The following ASB1 variants were observed in gnomAD, a reference collection of about 807,000 sequenced individuals.
ASB1 encodes the protein ankyrin repeat and SOCS box protein 1.
A neutral mutation model predicts 27.7 loss-of-function variants in ASB1; 18 were observed. The ratio of observed to expected loss-of-function variants is 0.65; its 90% CI spans 0.45 to 0.96. The LOEUF (loss-of-function observed/expected upper bound fraction) is 0.96, where lower values mean the gene tolerates loss of function less well. Ranked by LOEUF, ASB1 falls within the 50% of genes least tolerant of loss-of-function variation. The pLI, the probability that ASB1 is intolerant of heterozygous loss-of-function variation, is 0.00. For synonymous variants in ASB1, 189 were observed against 187.6 expected, an observed-to-expected ratio of 1.01 and a Z score of -0.06; for missense variants, 397 against 451.7, an observed-to-expected ratio of 0.88 and a Z score of 1.10.
At chr2:238,427,192 AGGTCC>A (rs1366737467) in intron 1 of ASB1, 73 bp downstream of exon 1, 1 of 1,114,180 alleles carries the variant, frequency 9.0e-7, no homozygotes, top group Non-Finnish European at 1.1e-6. Flanking sequence ...GTCCCTGCCG[AGGTCC>A]TGCGTCCTCG....
intron 1 of ASB1, chr2:238,433,195 C>A (rs1701903169): frequency 5.5e-6 from 1 of 180,904 alleles, no homozygotes; most frequent in African/African-American, 2.3e-5. Flanking sequence ...GCTTATAGTT[C>A]CTGGGCCCCA....
intron 2 of ASB1, chr2:238,435,381 G>T (rs755546021): frequency 2.0e-5 from 6 of 304,880 alleles, no homozygotes; most frequent in African/African-American, 1.1e-4. Flanking sequence ...ATTTGGCACT[G>T]CCTCCCAGGC....
Position 238,446,692 on chromosome 2 carries a change from A to C in ASB1, c.*181A>C. On this transcript the variant is annotated 3_prime_UTR_variant, in exon 5 of 5. Coordinates refer to ENST00000264607, the MANE Select transcript of ASB1 (RefSeq NM_001040445.3). ...GCTGAACAGTCCTTGGGTCATTGTC[A>C]GCTGAGAGGCTTATACTAAAGTTAT... 1 of 672,148 alleles carries C rather than the reference A, an allele frequency of 1.5e-6. No individual in the cohort carries two copies. Among genetic ancestry groups the C allele is most frequent in the Non-Finnish European group, 2.5e-6 (1 of 397,992 alleles). 41.6% of individuals were successfully genotyped at this position (672,148 alleles called of 1,614,324 possible).
intron 3 of ASB1, among the ~76,000 whole-genome samples, chr2:238,440,971 G>T (rs182607077): frequency 1.8e-4 from 28 of 152,304 alleles, no homozygotes; most frequent in African/African-American, 6.7e-4. Context: ...CAAGCTGTGC[G>T]TCCTGGCCTG....
rs1263181926 is a variant in ASB1 at position 238,452,205 on chromosome 2, C to T, written c.*5694C>T. The T allele has an allele frequency of 6.6e-6, 1 of 152,180 alleles. No individual in the cohort carries two copies. Among genetic ancestry groups the T allele is most frequent in the African/African-American group, 2.4e-5 (1 of 41,414 alleles). The allele number at this position is 152,180 out of a possible 1,614,324, so 9.4% of individuals were successfully genotyped here. A position where few individuals can be genotyped will look rare whatever the true frequency, so the allele number is the denominator to read the frequency against. On this transcript the variant is annotated 3_prime_UTR_variant, in exon 5 of 5. Coordinates refer to ENST00000264607, the MANE Select transcript of ASB1 (RefSeq NM_001040445.3). The stretch of plus-strand genomic sequence containing the variant: ...TGAGATGTGAAGATGTGGGATGAAC[C>T]TGGAATGAACGAATTAAATAAAGAC...
chr2:238,441,703 G>C, intron 3 of ASB1, among the ~76,000 whole-genome samples: 1 of 152,188 alleles, frequency 6.6e-6, no homozygotes, highest in Admixed American at 6.5e-5. Context: ...CAGATGAGCT[G>C]CAGTTCATTC....
At chr2:238,444,041 A>G (rs977954730) in intron 3 of ASB1, among the ~76,000 whole-genome samples, 9 of 152,112 alleles carry the variant, frequency 5.9e-5, no homozygotes, top group Non-Finnish European at 1.2e-4. Context: ...TGAATTTGTA[A>G]GTTTCTCTTC....
At position 238,435,819 on chromosome 2, in the gene ASB1, G is replaced by A; in HGVS notation, c.300G>A (p.Lys100=). 6.2e-7 allele frequency: 1 copy of A among 1,614,258 alleles called. No individual in the cohort carries two copies. Among genetic ancestry groups the A allele is most frequent in the Non-Finnish European group, 8.5e-7 (1 of 1,180,046 alleles). Reference sequence around the variant, plus strand: ...GCTGTGTGGACTTCCTCATCCGGAAGGGGGCCGAGGTGGATCTGGTGGACG... The same window carrying A: ...GCTGTGTGGACTTCCTCATCCGGAAAGGGGCCGAGGTGGATCTGGTGGACG... ...HGSCVDFLIR[K]GAEVDLVDVK... Residue 100 remains lysine, a synonymous_variant, in exon 3 of 5, where the codon AAG becomes AAA. Coordinates refer to ENST00000264607, the MANE Select transcript of ASB1 (RefSeq NM_001040445.3).
intron 3 of ASB1, 95 bp from the exon 4 acceptor site, chr2:238,444,247 C>G: frequency 7.0e-7 from 1 of 1,424,552 alleles, no homozygotes; most frequent in Non-Finnish European, 9.5e-7. Flanking sequence ...TCAAGGCCTT[C>G]TGCTCAGGGT....
At chr2:238,436,684 G>C (rs780519525) in intron 3 of ASB1, among the ~76,000 whole-genome samples, 1 of 151,960 alleles carries the variant, frequency 6.6e-6, no homozygotes, top group Middle Eastern at 3.4e-3. Context: ...TTTAATGTCA[G>C]ACTACATTGT....
chr2:238,434,739 A>G (rs761318282), intron 2 of ASB1, among the ~76,000 whole-genome samples: 8 of 152,368 alleles, frequency 5.3e-5, no homozygotes, highest in Non-Finnish European at 7.3e-5. Flanking sequence ...TTGCAGATGT[A>G]ACAGAATGAA....
At chr2:238,437,908 G>A (rs1053569479) in intron 3 of ASB1, among the ~76,000 whole-genome samples, 6 of 152,292 alleles carry the variant, frequency 3.9e-5, no homozygotes, top group Non-Finnish European at 7.4e-5. Flanking sequence ...GCTTTTGGGA[G>A]GCTAAAGAAA....
At chr2:238,440,242 C>T (rs1702053460) in intron 3 of ASB1, among the ~76,000 whole-genome samples, 1 of 152,214 alleles carries the variant, frequency 6.6e-6, no homozygotes, top group Non-Finnish European at 1.5e-5. Context: ...TATATTTGGA[C>T]ACTAGGAGTG....
intron 3 of ASB1, among the ~76,000 whole-genome samples, chr2:238,440,235 A>T (rs1347704293): frequency 6.6e-6 from 1 of 152,152 alleles, no homozygotes; most frequent in Non-Finnish European, 1.5e-5. Flanking sequence ...AGAACCCTAT[A>T]TTTGGACACT....
rs937474796 is a variant in ASB1 at position 238,447,917 on chromosome 2, G to A, written c.*1406G>A. ...TAGAATTCTATACCCCCAACCCCTTGTGTCACAAATGGGCTCTGTGTGGGT... is the reference window on the plus strand; with the variant it reads ...TAGAATTCTATACCCCCAACCCCTTATGTCACAAATGGGCTCTGTGTGGGT... On this transcript the variant is annotated 3_prime_UTR_variant, in exon 5 of 5. Coordinates refer to ENST00000264607, the MANE Select transcript of ASB1 (RefSeq NM_001040445.3). 2.6e-5 allele frequency: 4 copies of A among 152,264 alleles called. No homozygotes were observed. Among genetic ancestry groups the A allele is most frequent in the African/African-American group, 4.8e-5 (2 of 41,456 alleles). The allele number at this position is 152,264 out of a possible 1,614,324, so 9.4% of individuals were successfully genotyped here. A position where few individuals can be genotyped will look rare whatever the true frequency, so the allele number is the denominator to read the frequency against.
intron 3 of ASB1, 149 bp from the exon 4 acceptor site, chr2:238,444,193 C>A: frequency 1.4e-6 from 1 of 713,916 alleles, no homozygotes; most frequent in African/African-American, 1.8e-5. Flanking sequence ...CGTAGTGAAG[C>A]TATCTGATCT....
chr2:238,432,219 A>G (rs1701883824), intron 1 of ASB1, among the ~76,000 whole-genome samples: 1 of 152,176 alleles, frequency 6.6e-6, no homozygotes, highest in African/African-American at 2.4e-5. Context: ...AAACCAAAAA[A>G]GTTCTTCTCC....
At chr2:238,443,741 C>CTT (rs61693685) in intron 3 of ASB1, among the ~76,000 whole-genome samples, 86 of 145,872 alleles carry the variant, frequency 5.9e-4, no homozygotes, top group African/African-American at 1.6e-3. Context: ...ATATGCCCAC[C>CTT]TTTTTTTTTT....
intron 3 of ASB1, among the ~76,000 whole-genome samples, chr2:238,440,420 C>T (rs1384134385): frequency 6.6e-6 from 1 of 152,194 alleles, no homozygotes; most frequent in Non-Finnish European, 1.5e-5. Context: ...AGTTTTCTGC[C>T]TTTCGCGTTT....
Sources: gnomAD v4.1 joint callset for allele counts (sites outside exome capture counted in the v4.1 genomes callset) on GRCh38, gnomAD v4.1.1 for gene constraint, MANE v1.5 for transcripts, NCBI Gene and HGNC (gene_info 2026-07-23, HGNC 2026-07-21) for gene names.